The following PZP variants were observed in gnomAD, a reference collection of about 807,000 sequenced individuals.
The protein encoded by PZP is PZP alpha-2-macroglobulin like, also known as pregnancy zone protein.
PZP carries 150 observed loss-of-function variants against 179.8 expected under a neutral mutation model. The ratio of observed to expected loss-of-function variants is 0.83; its 90% CI spans 0.73 to 0.96. The LOEUF (loss-of-function observed/expected upper bound fraction) is 0.96. PZP is among the 40% of genes least tolerant of loss of function. The pLI is 0.00. For synonymous variants in PZP, 624 were observed against 652.3 expected, an observed-to-expected ratio of 0.96 and a Z score of 0.66; for missense variants, 1,689 against 1,764.0, an observed-to-expected ratio of 0.96 and a Z score of 0.76.
Position 9,168,895 on chromosome 12 carries a change from C to A in PZP, c.2081G>T (p.Gly694Val), listed in dbSNP as rs1468554534. 1 of 1,613,990 alleles carries A rather than the reference C, an allele frequency of 6.2e-7. No homozygotes were observed. The highest frequency in any genetic ancestry group is 1.7e-5 in the Admixed American group (1 of 60,030). ...SCSVIPSVSA[G>V]AVGQGYYGAG... ...TCCATAGTATCCTTGACCTACTGCT[C>A]CTGCAGACACGGAAGGGATGACTGA... Residue 694 changes from glycine (G) to valine (V), a missense_variant, in exon 17 of 36, where the codon GGA (glycine) becomes GTA (valine). This residue lies in a region of PZP where 201 missense variants were observed against 284.2 expected (regional missense o/e 0.71). Transcript: ENST00000261336.
intron 16 of PZP, 35 bp from the exon 17 acceptor site, chr12:9,169,009 C>T (rs1238708184): frequency 7.0e-7 from 1 of 1,437,738 alleles, no homozygotes; most frequent in Non-Finnish European, 9.8e-7. Flanking sequence ...TACTTGTAAG[C>T]TTGATTAGAA....
Position 9,163,680 on chromosome 12 carries a change from G to A in PZP, c.2724C>T (p.Thr908=). 1 of 1,613,606 alleles carries A rather than the reference G, an allele frequency of 6.2e-7. No homozygotes were observed. Among genetic ancestry groups the A allele is most frequent in the Non-Finnish European group, 8.5e-7 (1 of 1,179,762 alleles). ...EIKRKDTVIK[T]LLVEAEGIEQ... is the part of the protein sequence containing the mutation. The stretch of plus-strand genomic sequence containing the variant: ...AAAAATATGTTACCTCCACCAACAG[G>A]GTTTTGATGACTGTGTCTTTTCTTT... Residue 908 remains threonine (T), a synonymous_variant, in exon 21 of 36, where the codon ACC becomes ACT. Coordinates refer to ENST00000261336, the MANE Select transcript of PZP (RefSeq NM_002864.3).
At chr12:9,151,352 C>CT (rs1206705257) in intron 33 of PZP, among the ~76,000 whole-genome samples, 2 of 152,158 alleles carry the variant, frequency 1.3e-5, no homozygotes, top group African/African-American at 4.8e-5. Flanking sequence ...CATGGTACAC[C>CT]TTTTTTCTAT....
At chr12:9,167,803 T>C (rs1661995650) in intron 17 of PZP, among the ~76,000 whole-genome samples, 1 of 152,178 alleles carries the variant, frequency 6.6e-6, no homozygotes, top group Admixed American at 6.5e-5. Context: ...TCAAGAACAT[T>C]TCCTTCCCCC....
chr12:9,139,035 T>A, the PZP span, among the ~76,000 whole-genome samples: 1 of 152,068 alleles, frequency 6.6e-6, no homozygotes, highest in Non-Finnish European at 1.5e-5. Flanking sequence ...TTATTTTAGA[T>A]CTTTGTTCTT....
chr12:9,150,731 G>T lies in PZP; in HGVS notation c.4297C>A (p.Leu1433Ile). ...TGCAGAACCATGAAGGAAAAACTTA[G>T]CGTCTGATTTGTCACCTGAAAGGAA... ...IYVEQVTNQTLSFSFMVLQDI... is the reference protein window; with the variant it reads ...IYVEQVTNQTISFSFMVLQDI... Residue 1433 changes from leucine (L) to isoleucine (I), a missense_variant, in exon 34 of 36, where the codon CTA (leucine) becomes ATA (isoleucine). Around this residue, in one of 3 missense-constraint regions of PZP, gnomAD observed 746 missense variants for 749.2 expected, o/e 1.00. Transcript: ENST00000261336. 1 of 1,611,654 alleles carries T rather than the reference G, an allele frequency of 6.2e-7. No homozygotes were observed. The highest frequency in any genetic ancestry group is 8.5e-7 in the Non-Finnish European group (1 of 1,178,618).
intron 3 of PZP, 23 bp from the exon 4 acceptor site, chr12:9,202,394 A>G: frequency 6.2e-7 from 1 of 1,614,110 alleles, no homozygotes. Context: ...TTCTCCGATA[A>G]GATTCAGACA....
chr12:9,173,529 T>C (rs1592495426), intron 15 of PZP, among the ~76,000 whole-genome samples: 1 of 151,208 alleles, frequency 6.6e-6, no homozygotes. Flanking sequence ...AAACAATGAA[T>C]CCAGGAGCTG....
intron 13 of PZP, 36 bp downstream of exon 13, chr12:9,192,156 TA>T: frequency 6.4e-7 from 1 of 1,564,216 alleles, no homozygotes; most frequent in Non-Finnish European, 8.8e-7. Context: ...AAGGATGTGT[TA>T]GGGGAGCAAG....
intron 14 of PZP, among the ~76,000 whole-genome samples, chr12:9,181,487 C>A (rs1942756717): frequency 6.6e-6 from 1 of 152,098 alleles, no homozygotes. Context: ...GCTTTGGCGA[C>A]ACATTAATTT....
chr12:9,162,754 A>G lies in PZP; in HGVS notation c.2737-106T>C, dbSNP rs775581264. ...GGTAGGGTTTACACGAATGATGTTT[A>G]CCATCCTACTCTTTTTTTCCCAACT... On this transcript the variant is annotated intron_variant, in intron 21 of 35. Coordinates refer to ENST00000261336, the MANE Select transcript of PZP (RefSeq NM_002864.3). 24 of 913,584 alleles carry G rather than the reference A, an allele frequency of 2.6e-5. No homozygotes were observed. In the African/African-American group the frequency reaches 2.8e-4, roughly 11 times the overall value. 56.6% of individuals were successfully genotyped at this position (913,584 alleles called of 1,614,324 possible).
In PZP at chr12:9,152,870, C is replaced by T. The variant is rs774255174; in HGVS notation, c.4075G>A (p.Asp1359Asn). The T allele has an allele frequency of 2.5e-5, 40 of 1,613,906 alleles. No homozygotes were observed. Among genetic ancestry groups the T allele is most frequent in the East Asian group, 1.1e-4 (5 of 44,882 alleles). ...AAGCTGGTGTGGGCTTTGTGTCCAT[C>T]GCAAGTTTGGGGCACAGTCTGCACT... is the stretch of plus-strand genomic sequence containing the variant. ...LKVQTVPQTC[D>N]GHKAHTSFQI... Residue 1359 changes from aspartate (D) to asparagine (N), a missense_variant, in exon 31 of 36, where the codon GAT (aspartate) becomes AAT (asparagine). By Grantham distance (23) the Asp-to-Asn change is conservative. This residue lies in a region of PZP where 746 missense variants were observed against 749.2 expected (regional missense o/e 1.00). Transcript: ENST00000261336.
intron 25 of PZP, among the ~76,000 whole-genome samples, chr12:9,159,679 C>T (rs1941028072): frequency 6.6e-6 from 1 of 151,744 alleles, no homozygotes; most frequent in South Asian, 2.1e-4. Flanking sequence ...TGAGCCCATT[C>T]AATCCTCTAG....
chr12:9,153,421 C>T, intron 29 of PZP, 78 bp from the exon 30 acceptor site: 1 of 1,250,718 alleles, frequency 8.0e-7, no homozygotes, highest in Non-Finnish European at 1.1e-6. Flanking sequence ...TCTGTGTTAG[C>T]CTACCATGAG....
intron 16 of PZP, 39 bp from the exon 17 acceptor site, chr12:9,169,013 AT>A: frequency 7.1e-7 from 1 of 1,404,892 alleles, no homozygotes; most frequent in Non-Finnish European, 1.0e-6. Flanking sequence ...TGTAAGCTTG[AT>A]TAGAATATAT....
At chr12:9,196,139 C>T (rs1411195919) in intron 10 of PZP, among the ~76,000 whole-genome samples, 191 bp downstream of exon 10, 8 of 152,112 alleles carry the variant, frequency 5.3e-5, no homozygotes, top group Non-Finnish European at 8.8e-5. Context: ...CTCTGATTCT[C>T]ATAATAATTT....
At chr12:9,185,062 G>C (rs1360232057) in intron 13 of PZP, among the ~76,000 whole-genome samples, 3 of 152,166 alleles carry the variant, frequency 2.0e-5, no homozygotes, top group East Asian at 1.9e-4. Flanking sequence ...CTCCAGCAAG[G>C]GTTCTTAATA....
rs1178823384 is a variant in PZP at position 9,175,120 on chromosome 12, CCAATGGTA to C, written c.1840-5537_1840-5530del. Among the ~76,000 whole-genome samples, 9 of 152,224 alleles carry C rather than the reference CCAATGGTA, an allele frequency of 5.9e-5. No homozygotes were observed. In the South Asian group the frequency reaches 8.3e-4, roughly 14 times the overall value. ...TACTGATAAAGAACAGACACATAGA[CCAATGGTA>C]CAGAATAGAGAACTCAGAGATAAAA... On this transcript the variant is annotated intron_variant, in intron 15 of 35. Coordinates refer to ENST00000261336, the MANE Select transcript of PZP (RefSeq NM_002864.3).
chr12:9,161,066 T>C lies in PZP; in HGVS notation c.2839A>G (p.Lys947Glu). 4 of 1,603,726 alleles carry C rather than the reference T, an allele frequency of 2.5e-6. No individual in the cohort carries two copies. The highest frequency in any genetic ancestry group is 3.4e-6 in the Non-Finnish European group (4 of 1,170,736). Reference protein sequence around the residue: ...LSLKLPSNVVKESARASFSVL... With the variant: ...LSLKLPSNVVEESARASFSVL... ...GAGAAAGAAGCTCTGGCAGATTCTT[T>C]GACCACATTTGATGGGAGCTTCAAG... The change falls in exon 23 of 36, where the codon AAA becomes GAA. Residue 947 changes from lysine (K) to glutamate (E), a missense_variant. Lys to Glu is a moderately conservative substitution (Grantham distance 56, BLOSUM62 1). Coordinates refer to ENST00000261336, the MANE Select transcript of PZP (RefSeq NM_002864.3).
Sources: allele counts gnomAD v4.1 joint callset (sites outside exome capture counted in the v4.1 genomes callset), GRCh38; gene constraint gnomAD v4.1.1; regional missense constraint gnomAD v4.1.1; transcripts MANE v1.5; gene names NCBI Gene and HGNC (gene_info 2026-07-23, HGNC 2026-07-21).